Variants in SLIT3 observed in about 807,000 individuals in gnomAD.
The protein encoded by SLIT3 is slit homolog 3 protein.
A neutral mutation model predicts 184.0 loss-of-function variants in SLIT3; 68 were observed. The observed-to-expected ratio is 0.37, with a 90% CI of 0.30 to 0.45. The LOEUF (loss-of-function observed/expected upper bound fraction) is 0.45. Ranked by LOEUF, SLIT3 falls within the 20% of genes least tolerant of loss-of-function variation. The pLI, the probability that SLIT3 is intolerant of heterozygous loss-of-function variation, is 1.00. For missense variants in SLIT3, 1,707 were observed against 2,026.0 expected, an observed-to-expected ratio of 0.84 and a Z score of 3.02; for synonymous variants, 831 against 828.6, an observed-to-expected ratio of 1.00 and a Z score of -0.05.
intron 4 of SLIT3, among the ~76,000 whole-genome samples, chr5:169,190,479 C>T (rs1317689427): frequency 6.6e-6 from 1 of 152,198 alleles, no homozygotes; most frequent in East Asian, 1.9e-4. Context: ...AGTCACTAAA[C>T]TAACTTCTGT....
At chr5:169,171,584 T>C (rs1235276299) in intron 4 of SLIT3, among the ~76,000 whole-genome samples, 1 of 152,154 alleles carries the variant, frequency 6.6e-6, no homozygotes, top group Non-Finnish European at 1.5e-5. Flanking sequence ...CAGCCAAAGA[T>C]GTGGTCTCCC....
At chr5:168,705,565 A>G (rs1345930761) in intron 26 of SLIT3, among the ~76,000 whole-genome samples, 2 of 152,128 alleles carry the variant, frequency 1.3e-5, no homozygotes, top group African/African-American at 4.8e-5. Flanking sequence ...CATCTTCACC[A>G]TCACCATCAA....
intron 3 of SLIT3, among the ~76,000 whole-genome samples, chr5:169,194,233 C>CAAAAAAAAAAA (rs10571842): frequency 6.5e-5 from 4 of 61,396 alleles, no homozygotes; most frequent in Admixed American, 2.7e-4. Flanking sequence ...GACTCTGTCT[C>CAAAAAAAAAAA]AAAAAAAAAA....
chr5:168,743,948 C>G (rs1763716694), intron 20 of SLIT3, among the ~76,000 whole-genome samples: 1 of 152,178 alleles, frequency 6.6e-6, no homozygotes, highest in African/African-American at 2.4e-5. Flanking sequence ...GGTGAGAAAA[C>G]TGCAGAAGAA....
Position 169,109,011 on chromosome 5 carries a change from C to T in SLIT3, c.413+84468G>A, listed in dbSNP as rs1057223086. ...GTCCATGTCTTTTTGTGATGCCCCC[C>T]ACTTGAGTGTGGGTAAGACCTAAGA... is the stretch of plus-strand genomic sequence containing the variant. On this transcript the variant is annotated intron_variant, in intron 4 of 35. Coordinates refer to ENST00000519560, the MANE Select transcript of SLIT3 (RefSeq NM_003062.4). 3.3e-5 allele frequency among the ~76,000 whole-genome samples: 5 copies of T among 152,164 alleles called. 1 individual carries two copies. The highest frequency in any genetic ancestry group is 5.9e-5 in the Non-Finnish European group (4 of 68,036).
At chr5:168,934,175 C>T (rs1169345040) in intron 4 of SLIT3, among the ~76,000 whole-genome samples, 3 of 152,130 alleles carry the variant, frequency 2.0e-5, no homozygotes, top group Admixed American at 6.5e-5. Flanking sequence ...AGAGGGAGAA[C>T]GCTCCTCGTA....
intron 3 of SLIT3, among the ~76,000 whole-genome samples, chr5:169,227,361 G>A (rs1561752053): frequency 2.0e-5 from 3 of 152,296 alleles, no homozygotes; most frequent in South Asian, 4.1e-4. Flanking sequence ...CCTTACATGC[G>A]TTATCTTAAT....
chr5:168,847,093 C>T (rs1758500512), intron 5 of SLIT3, among the ~76,000 whole-genome samples: 2 of 152,148 alleles, frequency 1.3e-5, no homozygotes, highest in African/African-American at 4.8e-5. Context: ...AGGCTAAAAG[C>T]AGAGACATCT....
Position 168,906,773 on chromosome 5 carries a change from GT to G in SLIT3, c.414-23438del, listed in dbSNP as rs1761068344. Among the ~76,000 whole-genome samples the G allele has an allele frequency of 2.6e-5, 4 of 152,310 alleles. 1 individual carries two copies. Among genetic ancestry groups the G allele is most frequent in the African/African-American group, 9.6e-5 (4 of 41,580 alleles). ...GTTTATAGGTTGTGTGTGTTTGAAA[GT>G]TGAAATTCAGGGAATGATTGTATTT... On this transcript the variant is annotated intron_variant, in intron 4 of 35. Transcript: ENST00000519560.
intron 4 of SLIT3, among the ~76,000 whole-genome samples, chr5:169,064,903 G>A (rs1258899315): frequency 6.6e-6 from 1 of 152,176 alleles, no homozygotes; most frequent in Non-Finnish European, 1.5e-5. Flanking sequence ...GAGCTTCAGA[G>A]GACTTTTCCC....
At position 169,201,460 on chromosome 5, in the gene SLIT3, T is replaced by C. The variant is rs181436007; in HGVS notation, c.342-7910A>G. 3.9e-5 allele frequency among the ~76,000 whole-genome samples: 6 copies of C among 152,290 alleles called. No individual in the cohort carries two copies. In the East Asian group the frequency reaches 1.2e-3, roughly 29 times the overall value. The stretch of plus-strand genomic sequence containing the variant: ...AATGGTTTAACATCTGTAAAGGGCT[T>C]TGCAATGTTTCTCAAGGGCTCAATA... On this transcript the variant is annotated intron_variant, in intron 3 of 35. Transcript: ENST00000519560.
intron 3 of SLIT3, among the ~76,000 whole-genome samples, chr5:169,202,074 A>T (rs1044958746): frequency 1.3e-5 from 2 of 152,114 alleles, no homozygotes; most frequent in African/African-American, 4.8e-5. Context: ...TCTACAAAAA[A>T]TCCAAAGAAT....
chr5:169,100,777 C>G (rs1335622793), intron 4 of SLIT3, among the ~76,000 whole-genome samples: 1 of 152,188 alleles, frequency 6.6e-6, no homozygotes, highest in East Asian at 1.9e-4. Flanking sequence ...TCCTCTCCAT[C>G]TTCACCAAAG....
chr5:168,818,114 C>G (rs1454714508), intron 7 of SLIT3, among the ~76,000 whole-genome samples: 1 of 152,088 alleles, frequency 6.6e-6, no homozygotes, highest in South Asian at 2.1e-4. Flanking sequence ...GTTGTCTGTA[C>G]CAGACTCTTG....
At chr5:168,794,039 C>T (rs1348000327) in intron 10 of SLIT3, among the ~76,000 whole-genome samples, 1 of 152,114 alleles carries the variant, frequency 6.6e-6, no homozygotes, top group Non-Finnish European at 1.5e-5. Flanking sequence ...GTTGGCTTCC[C>T]AAGATCTGAG....
At chr5:169,004,053 G>T (rs190470203) in intron 4 of SLIT3, among the ~76,000 whole-genome samples, 16 of 152,042 alleles carry the variant, frequency 1.1e-4, no homozygotes, top group Non-Finnish European at 1.6e-4. Context: ...TCTACTCTGC[G>T]CATGAAGGCC....
chr5:169,101,313 C>T (rs756733076), intron 4 of SLIT3, among the ~76,000 whole-genome samples: 4 of 152,178 alleles, frequency 2.6e-5, no homozygotes, highest in East Asian at 1.9e-4. Flanking sequence ...CAGGACAGGA[C>T]GTGGGTAAAG....
At chr5:168,886,348 T>C (rs1760210529) in intron 4 of SLIT3, among the ~76,000 whole-genome samples, 1 of 152,144 alleles carries the variant, frequency 6.6e-6, no homozygotes, top group African/African-American at 2.4e-5. Flanking sequence ...AACAGTCCCT[T>C]CACAATTATC....
At chr5:168,877,076 C>T (rs886795804) in intron 5 of SLIT3, among the ~76,000 whole-genome samples, 2 of 152,182 alleles carry the variant, frequency 1.3e-5, no homozygotes, top group Admixed American at 1.3e-4. Flanking sequence ...GGGGACAACA[C>T]AGTGATTGAA....
Sources: allele counts gnomAD v4.1 joint callset (sites outside exome capture counted in the v4.1 genomes callset), GRCh38; gene constraint gnomAD v4.1.1; transcripts MANE v1.5; gene names NCBI Gene and HGNC (gene_info 2026-07-23, HGNC 2026-07-21).